TBX19: variants seen among roughly 807,000 people sequenced by gnomAD.
TBX19 encodes the protein T-box transcription factor 19.
In TBX19, 33 loss-of-function variants were observed where a neutral mutation model predicts 40.9. The ratio of observed to expected loss-of-function variants is 0.81; its 90% CI spans 0.61 to 1.08. TBX19 has a LOEUF of 1.08. Among genes scored for constraint, TBX19 ranks in the 50% least tolerant of loss-of-function variants. TBX19 has a pLI of 0.00. For synonymous variants in TBX19, 220 were observed against 225.0 expected (o/e 0.98, Z 0.20); for missense variants, 494 against 574.0 (o/e 0.86, Z 1.42).
At chr1:168,309,461 A>G (rs1213743475) in intron 7 of TBX19, among the ~76,000 whole-genome samples, 1 of 152,240 alleles carries the variant, frequency 6.6e-6, no homozygotes, top group Admixed American at 6.5e-5. Flanking sequence ...ACTTTAAACT[A>G]TGGTGGTAGC....
intron 2 of TBX19, among the ~76,000 whole-genome samples, chr1:168,291,743 G>C (rs929840256): frequency 6.6e-5 from 10 of 152,090 alleles, no homozygotes; most frequent in Non-Finnish European, 1.3e-4. Flanking sequence ...GTGGGTACCA[G>C]GGTTTTGTTA....
At chr1:168,303,215 T>C (rs889385904) in intron 5 of TBX19, among the ~76,000 whole-genome samples, 1 of 152,094 alleles carries the variant, frequency 6.6e-6, no homozygotes, top group African/African-American at 2.4e-5. Flanking sequence ...CGACAGGTCC[T>C]GGTGTGTGAT....
At chr1:168,298,967 G>A (rs1378817964) in intron 4 of TBX19, among the ~76,000 whole-genome samples, 2 of 142,560 alleles carry the variant, frequency 1.4e-5, no homozygotes, top group African/African-American at 5.2e-5. Context: ...GAGTCAGGCT[G>A]GAGTGGCACT....
At chr1:168,296,368 A>G (rs1649104273) in intron 3 of TBX19, among the ~76,000 whole-genome samples, 1 of 152,198 alleles carries the variant, frequency 6.6e-6, no homozygotes, top group Non-Finnish European at 1.5e-5. Context: ...TATAAAGAAA[A>G]AGAAGTTTAA....
intron 4 of TBX19, among the ~76,000 whole-genome samples, 159 bp downstream of exon 4, chr1:168,297,944 C>G (rs112593683): frequency 3.3e-5 from 5 of 152,248 alleles, no homozygotes; most frequent in African/African-American, 9.6e-5. Context: ...TGCCTGTAAT[C>G]CCAGCACTTT....
chr1:168,297,689 C>T, intron 3 of TBX19, 35 bp from the exon 4 acceptor site: 1 of 1,603,406 alleles, frequency 6.2e-7, no homozygotes, highest in Non-Finnish European at 8.5e-7. Context: ...GTGTATCCTA[C>T]TTTTACTAAC....
chr1:168,293,383 G>C, intron 3 of TBX19, 105 bp downstream of exon 3: 1 of 1,428,060 alleles, frequency 7.0e-7, no homozygotes, highest in Admixed American at 2.0e-5. Flanking sequence ...TTAGATGAAA[G>C]GTAGGTTTTC....
At chr1:168,296,775 G>A (rs1649116347) in intron 3 of TBX19, among the ~76,000 whole-genome samples, 1 of 152,186 alleles carries the variant, frequency 6.6e-6, no homozygotes, top group African/African-American at 2.4e-5. Flanking sequence ...TTGGGAGGCT[G>A]AGGCAGGAAA....
chr1:168,286,769 G>T (rs1032047059), intron 1 of TBX19, among the ~76,000 whole-genome samples: 2 of 152,214 alleles, frequency 1.3e-5, no homozygotes, highest in Non-Finnish European at 2.9e-5. Flanking sequence ...GGATTATTGA[G>T]AAACTGTATA....
At position 168,293,194 on chromosome 1, in the gene TBX19, T is replaced by C. The variant is rs779901603; in HGVS notation, c.519T>C (p.Arg173=). Residue 173 remains arginine, a synonymous_variant, in exon 3 of 8, where the codon CGT becomes CGC. Coordinates refer to ENST00000367821, the MANE Select transcript of TBX19 (RefSeq NM_005149.3). ...HKYEPQVHIV[R]VGSAHRMVTN... is the part of the protein sequence containing the mutation. The stretch of plus-strand genomic sequence containing the variant: ...ATGAACCCCAGGTTCACATAGTGCG[T>C]GTTGGAAGTGCCCATCGAATGGTAA... 2.5e-6 allele frequency: 4 copies of C among 1,613,840 alleles called. No individual in the cohort carries two copies. The highest frequency in any genetic ancestry group is 4.5e-5 in the East Asian group (2 of 44,884).
chr1:168,283,883 A>G (rs1231449459), intron 1 of TBX19, among the ~76,000 whole-genome samples: 1 of 152,240 alleles, frequency 6.6e-6, no homozygotes, highest in Non-Finnish European at 1.5e-5. Context: ...GCACTAAAAT[A>G]GCAAATCTTG....
intron 4 of TBX19, among the ~76,000 whole-genome samples, chr1:168,299,065 C>A (rs890657733): frequency 1.3e-5 from 2 of 150,882 alleles, no homozygotes; most frequent in African/African-American, 4.9e-5. Flanking sequence ...AGGTGGCCAC[C>A]ACCATGCCCA....
intron 7 of TBX19, among the ~76,000 whole-genome samples, chr1:168,311,211 A>G (rs1649512870): frequency 6.6e-6 from 1 of 152,046 alleles, no homozygotes; most frequent in Admixed American, 6.6e-5. Context: ...TATACTAGAT[A>G]CTTACATATA....
intron 4 of TBX19, among the ~76,000 whole-genome samples, chr1:168,298,202 AAAAG>A (rs1189433403): frequency 6.6e-6 from 1 of 152,222 alleles, no homozygotes; most frequent in East Asian, 1.9e-4. Context: ...TCTCAGAAAA[AAAAG>A]AAATAGGCTT....
At chr1:168,301,455 G>T (rs891556758) in intron 5 of TBX19, among the ~76,000 whole-genome samples, 1 of 152,080 alleles carries the variant, frequency 6.6e-6, no homozygotes, top group Non-Finnish European at 1.5e-5. Context: ...TAGAGATGGG[G>T]TTTCACCATA....
chr1:168,298,715 C>T (rs1190089688), intron 4 of TBX19, among the ~76,000 whole-genome samples: 2 of 145,722 alleles, frequency 1.4e-5, no homozygotes, highest in Admixed American at 1.4e-4. Flanking sequence ...TTGCTTCCCT[C>T]CTTTCCTTCC....
At chr1:168,306,206 A>G (rs1045090120) in intron 6 of TBX19, among the ~76,000 whole-genome samples, 3 of 152,208 alleles carry the variant, frequency 2.0e-5, no homozygotes, top group African/African-American at 7.2e-5. Flanking sequence ...TAGCTTACCA[A>G]TAGCAGAAAC....
chr1:168,305,923 A>G (rs1649394286), intron 6 of TBX19, among the ~76,000 whole-genome samples: 1 of 152,222 alleles, frequency 6.6e-6, no homozygotes, highest in African/African-American at 2.4e-5. Context: ...ACTATATGCC[A>G]GGCTCTGTTT....
Position 168,281,232 on chromosome 1 carries a change from G to A in TBX19, c.142G>A (p.Ala48Thr), listed in dbSNP as rs1472315554. Residue 48 changes from alanine (A) to threonine (T), a missense_variant, in exon 1 of 8, where the codon GCA becomes ACA. Coordinates refer to ENST00000367821, the MANE Select transcript of TBX19 (RefSeq NM_005149.3). The stretch of plus-strand genomic sequence containing the variant: ...GCAACTTCAGATCATCCTGGAGGAT[G>A]CACCTCTCTGGCAGAGATTCAAGGA... ...EKQLQIILED[A>T]PLWQRFKEVT... 1 of 1,614,158 alleles carries A rather than the reference G, an allele frequency of 6.2e-7. No individual in the cohort carries two copies. The highest frequency in any genetic ancestry group is 2.2e-5 in the East Asian group (1 of 44,882).
Sources: gnomAD v4.1 joint callset for allele counts (sites outside exome capture counted in the v4.1 genomes callset) on GRCh38, gnomAD v4.1.1 for gene constraint, MANE v1.5 for transcripts, NCBI Gene and HGNC (gene_info 2026-07-23, HGNC 2026-07-21) for gene names.